IARS2: variants seen among roughly 807,000 people sequenced by gnomAD.
IARS2 encodes isoleucine--tRNA ligase, mitochondrial.
IARS2 carries 56 observed loss-of-function variants against 126.3 expected under a neutral mutation model. The observed-to-expected ratio is 0.44, with a 90% confidence interval of 0.36 to 0.55. The LOEUF (loss-of-function observed/expected upper bound fraction) is 0.55. Among genes scored for constraint, IARS2 ranks in the 20% least tolerant of loss-of-function variants. The pLI, the probability that IARS2 is intolerant of heterozygous loss-of-function variation, is 0.00. For synonymous variants in IARS2, 407 were observed against 441.1 expected, an observed-to-expected ratio of 0.92 and a Z score of 0.97; for missense variants, 1,127 against 1,245.9, an observed-to-expected ratio of 0.90 and a Z score of 1.44.
intron 3 of IARS2, among the ~76,000 whole-genome samples, chr1:220,101,893 C>A (rs1430416087): frequency 1.3e-5 from 2 of 151,696 alleles, no homozygotes; most frequent in African/African-American, 4.8e-5. Flanking sequence ...CCCAGCTACT[C>A]AGGAGGCTGA....
chr1:220,120,719 C>T (rs1429803940), intron 12 of IARS2, among the ~76,000 whole-genome samples: 1 of 152,072 alleles, frequency 6.6e-6, no homozygotes, highest in Non-Finnish European at 1.5e-5. Context: ...ATATTATGTA[C>T]AACATGTTTT....
Position 220,140,354 on chromosome 1 carries a change from C to T in IARS2, c.2414+65C>T, listed in dbSNP as rs1052445913. 6 of 1,013,580 alleles carry T rather than the reference C, an allele frequency of 5.9e-6. No individual in the cohort carries two copies. The Admixed American group carries it at 7.9e-5, about 13-fold the overall frequency. The allele number at this position is 1,013,580 out of a possible 1,614,324, so 62.8% of individuals were successfully genotyped here. A position where few individuals can be genotyped will look rare whatever the true frequency, so the allele number is the denominator to read the frequency against. On this transcript the variant is annotated intron_variant, in intron 19 of 22. Transcript: ENST00000366922. ...GGTGTGGTGACTCACGCCTGTAATC[C>T]CAGCACTTTGGGAGGCCGAGGCGGG...
chr1:220,100,667 C>T lies in IARS2; in HGVS notation c.550+18C>T. ...AAAGAAAGGTAAATAATCTGTATTTCTGTTTTAAAATGATATTTGTAAACA... is the reference window on the plus strand; with the variant it reads ...AAAGAAAGGTAAATAATCTGTATTTTTGTTTTAAAATGATATTTGTAAACA... On this transcript the variant is annotated intron_variant, in intron 3 of 22. Transcript: ENST00000366922. 6.3e-7 allele frequency: 1 copy of T among 1,577,322 alleles called. No individual in the cohort carries two copies. The highest frequency in any genetic ancestry group is 1.4e-5 in the African/African-American group (1 of 73,940).
At chr1:220,117,977 T>C in intron 12 of IARS2, 1 of 477,992 alleles carries the variant, frequency 2.1e-6, no homozygotes, top group Non-Finnish European at 4.3e-6. Flanking sequence ...TTAATCCTCT[T>C]CCATTATTGG....
chr1:220,135,982 G>A (rs1325076431), intron 15 of IARS2, among the ~76,000 whole-genome samples: 2 of 151,992 alleles, frequency 1.3e-5, no homozygotes, highest in Admixed American at 6.5e-5. Flanking sequence ...TGTCTCTGTA[G>A]TTTGCTCTTT....
intron 1 of IARS2, among the ~76,000 whole-genome samples, chr1:220,095,025 C>T (rs903969674): frequency 9.2e-5 from 14 of 151,782 alleles, no homozygotes; most frequent in African/African-American, 3.4e-4. Flanking sequence ...AAGTTGAAGC[C>T]CACTTCTTGG....
intron 12 of IARS2, among the ~76,000 whole-genome samples, chr1:220,117,505 TC>T (rs1656950732): frequency 6.6e-6 from 1 of 152,062 alleles, no homozygotes; most frequent in South Asian, 2.1e-4. Context: ...CGGCTACTCT[TC>T]TTTTCACTAT....
Position 220,110,877 on chromosome 1 carries a change from G to A in IARS2, c.1419G>A (p.Val473=). The change falls in exon 11 of 23, where the codon GTG becomes GTA. Residue 473 remains valine, a synonymous_variant. Transcript: ENST00000366922. ...ATGACTGGAGGACCAAGAAACCTGT[G>A]GTTATTCGTGCCAGCAAGCAGTGGT... is the stretch of plus-strand genomic sequence containing the variant. ...YPYDWRTKKP[V]VIRASKQWFI... 1 of 1,613,864 alleles carries A rather than the reference G, an allele frequency of 6.2e-7. No homozygotes were observed. Among genetic ancestry groups the A allele is most frequent in the East Asian group, 2.2e-5 (1 of 44,874 alleles).
chr1:220,140,714 G>A (rs1387738465), intron 19 of IARS2, among the ~76,000 whole-genome samples: 1 of 152,020 alleles, frequency 6.6e-6, no homozygotes, highest in Non-Finnish European at 1.5e-5. Context: ...GCCAGGCGTG[G>A]TGCCTCACGC....
At chr1:220,101,564 T>C (rs1045517577) in intron 3 of IARS2, among the ~76,000 whole-genome samples, 3 of 152,020 alleles carry the variant, frequency 2.0e-5, no homozygotes, top group Non-Finnish European at 2.9e-5. Flanking sequence ...TAGCCAGGTA[T>C]GGTGGCTCAC....
At chr1:220,130,733 A>G (rs1657242904) in intron 14 of IARS2, among the ~76,000 whole-genome samples, 1 of 151,884 alleles carries the variant, frequency 6.6e-6, no homozygotes, top group African/African-American at 2.4e-5. Context: ...AATTTTTTGT[A>G]TTTTTAGTAG....
intron 15 of IARS2, 137 bp downstream of exon 15, chr1:220,134,647 A>G (rs1657335772): frequency 8.7e-6 from 4 of 462,286 alleles, no homozygotes; most frequent in Admixed American, 8.4e-5. Flanking sequence ...AAAAAAGAGA[A>G]AGGAAAAAGG....
In IARS2 at chr1:220,101,044, G is replaced by A. The variant is rs1156687966; in HGVS notation, c.550+395G>A. On this transcript the variant is annotated intron_variant, in intron 3 of 22. Transcript: ENST00000366922. ...TTTATTTGATCCTTTTTCTTCAGTC[G>A]ACTGGGCCAAGGGAGGATTCTCTTT... Among the ~76,000 whole-genome samples, 8 of 151,896 alleles carry A rather than the reference G, an allele frequency of 5.3e-5. No individual in the cohort carries two copies. The East Asian group carries it at 1.3e-3, about 26-fold the overall frequency.
At chr1:220,107,274 G>C (rs1256107501) in intron 10 of IARS2, 123 bp downstream of exon 10, 4 of 662,142 alleles carry the variant, frequency 6.0e-6, no homozygotes, top group Non-Finnish European at 1.1e-5. Context: ...GTCTTGTTTT[G>C]CCATATGTTT....
rs924227189 is a variant in IARS2, at chr1:220,094,528, C to G, written c.267+45C>G. 9 of 1,484,982 alleles carry G rather than the reference C, an allele frequency of 6.1e-6. 1 individual carries two copies. In the South Asian group the frequency reaches 6.7e-5, roughly 11 times the overall value. 92.0% of individuals were successfully genotyped at this position (1,484,982 alleles called of 1,614,324 possible). ...GCGGGGCCTCCAGAGAGGCCCGATC[C>G]GGCCGCGGGCACCGGGCGCTCGCAG... On this transcript the variant is annotated intron_variant, in intron 1 of 22. Coordinates refer to ENST00000366922, the MANE Select transcript of IARS2 (RefSeq NM_018060.4).
chr1:220,099,810 T>C (rs746887762), intron 2 of IARS2, among the ~76,000 whole-genome samples: 8 of 152,228 alleles, frequency 5.3e-5, no homozygotes, highest in African/African-American at 1.4e-4. Context: ...TTTTTTTTAA[T>C]GTGACAACCA....
At chr1:220,129,502 A>G (rs889460142) in intron 14 of IARS2, among the ~76,000 whole-genome samples, 1 of 151,994 alleles carries the variant, frequency 6.6e-6, no homozygotes, top group African/African-American at 2.4e-5. Flanking sequence ...AACTCTCTTC[A>G]TCCCTCCCTC....
chr1:220,125,298 C>A lies in IARS2; in HGVS notation c.1702C>A (p.Leu568Ile). 1 of 1,613,770 alleles carries A rather than the reference C, an allele frequency of 6.2e-7. No individual in the cohort carries two copies. Reference sequence around the variant, plus strand: ...ACACGGCAGTGATATCTGGTGGACTCTTCCCCCTGAACAACTTCTTCCAAA... The same window carrying A: ...ACACGGCAGTGATATCTGGTGGACTATTCCCCCTGAACAACTTCTTCCAAA... Reference protein sequence around the residue: ...EQHGSDIWWTLPPEQLLPKEV... With the variant: ...EQHGSDIWWTIPPEQLLPKEV... Residue 568 changes from leucine to isoleucine, a missense_variant, in exon 13 of 23, where the codon CTT (leucine) becomes ATT (isoleucine). Coordinates refer to ENST00000366922, the MANE Select transcript of IARS2 (RefSeq NM_018060.4).
intron 14 of IARS2, among the ~76,000 whole-genome samples, chr1:220,129,840 T>G (rs1352121679): frequency 6.6e-6 from 1 of 152,246 alleles, no homozygotes; most frequent in Non-Finnish European, 1.5e-5. Context: ...CCTGTGGATA[T>G]GCTGATTTTA....
Sources: gnomAD v4.1 joint callset for allele counts (sites outside exome capture counted in the v4.1 genomes callset) on GRCh38, gnomAD v4.1.1 for gene constraint, MANE v1.5 for transcripts, NCBI Gene and HGNC (gene_info 2026-07-23, HGNC 2026-07-21) for gene names.